TCOF1: variants seen among roughly 807,000 people sequenced by gnomAD.
TCOF1 encodes treacle ribosome biogenesis factor 1.
A neutral mutation model predicts 149.0 loss-of-function variants in TCOF1; 33 were observed. The observed-to-expected ratio is 0.22, with a 90% CI of 0.17 to 0.30. The LOEUF (loss-of-function observed/expected upper bound fraction) is 0.30. Among genes scored for constraint, TCOF1 ranks in the 10% least tolerant of loss-of-function variants. The probability of loss-of-function intolerance (pLI) is 1.00; values close to 1 mark genes in which losing one functional copy is unlikely to be tolerated. For synonymous variants in TCOF1, 789 were observed against 738.8 expected (o/e 1.07, Z -1.10); for missense variants, 1,728 against 1,840.7 (o/e 0.94, Z 1.12).
chr5:150,375,796 C>T lies in TCOF1; in HGVS notation c.1780C>T (p.Pro594Ser), dbSNP rs769250780. The T allele has an allele frequency of 8.1e-6, 13 of 1,614,136 alleles. No homozygotes were observed. Among genetic ancestry groups the T allele is most frequent in the Admixed American group, 5.0e-5 (3 of 60,016 alleles). The change falls in exon 12 of 27, where the codon CCT becomes TCT. Residue 594 changes from proline (P) to serine (S), a missense_variant. By Grantham distance (74) the Pro-to-Ser change is moderately conservative (BLOSUM62 -1). This residue lies in a region of TCOF1 where 1,696 missense variants were observed against 1,765.4 expected (regional missense o/e 0.96). Transcript: ENST00000643257. ...PAKGPPQKAG[P>S]VAVQVKAEKP... Reference sequence around the variant, plus strand: ...CAAGGGGCCCCCTCAGAAGGCAGGGCCTGTAGCCGTCCAGGTCAAGGCTGA... The same window carrying T: ...CAAGGGGCCCCCTCAGAAGGCAGGGTCTGTAGCCGTCCAGGTCAAGGCTGA...
chr5:150,396,634 C>G lies in TCOF1; in HGVS notation c.4137C>G (p.Ser1379=). 6.2e-7 allele frequency: 1 copy of G among 1,602,494 alleles called. No homozygotes were observed. Residue 1379 remains serine (S), a synonymous_variant, in exon 24 of 27, where the codon TCC becomes TCG. Transcript: ENST00000643257. The part of the protein sequence containing the change: ...GAGEGGEASV[S]PEKTSTTSKG... The stretch of plus-strand genomic sequence containing the variant: ...GGGAAGGTGGGGAGGCCTCTGTTTC[C>G]CCAGAAAAGACCTCCACGACTTCCA...
At chr5:150,384,519 C>T in intron 17 of TCOF1, 4 of 985,486 alleles carry the variant, frequency 4.1e-6, no homozygotes, top group Non-Finnish European at 4.8e-6. Flanking sequence ...CTGTGTGGAG[C>T]CTTTACGAGG....
intron 1 of TCOF1, among the ~76,000 whole-genome samples, chr5:150,358,176 G>C (rs962244411): frequency 6.6e-6 from 1 of 152,024 alleles, no homozygotes; most frequent in African/African-American, 2.4e-5. Context: ...TAAGTCTCCC[G>C]CCACGTGGCT....
rs543951704 is a variant in TCOF1, at chr5:150,364,051, G to A, written c.165-62G>A. The A allele has an allele frequency of 5.0e-6, 8 of 1,612,720 alleles. No homozygotes were observed. The Admixed American group carries it at 6.7e-5, about 13-fold the overall frequency. On this transcript the variant is annotated intron_variant, in intron 2 of 26. Transcript: ENST00000643257. The stretch of plus-strand genomic sequence containing the variant: ...GGAAGGATGCGGGAAGGTCTGTCTA[G>A]TCAATTCTTGTGGAGTTGTTCTGTC...
rs1448103578 is a variant in TCOF1 at position 150,363,996 on chromosome 5, T to A, written c.165-117T>A. On this transcript the variant is annotated intron_variant, in intron 2 of 26. Coordinates refer to ENST00000643257, the MANE Select transcript of TCOF1 (RefSeq NM_001371623.1). ...CCTATACTGTGTTTTCACCACTGTT[T>A]AGATTCTATGCACATTGCCTTTAAG... 6 of 1,485,334 alleles carry A rather than the reference T, an allele frequency of 4.0e-6. No homozygotes were observed. In the South Asian group the frequency reaches 5.8e-5, roughly 14 times the overall value. 92.0% of individuals were successfully genotyped at this position (1,485,334 alleles called of 1,614,324 possible). A position where few individuals can be genotyped will look rare whatever the true frequency, so the allele number is the denominator to read the frequency against.
chr5:150,381,710 C>T (rs979678522), intron 17 of TCOF1, among the ~76,000 whole-genome samples: 1 of 152,168 alleles, frequency 6.6e-6, no homozygotes, highest in Admixed American at 6.5e-5. Flanking sequence ...GTCAGAATGG[C>T]CTAATCTGTA....
chr5:150,389,906 G>A lies in TCOF1; in HGVS notation c.3066G>A (p.Val1022=), dbSNP rs375763860. Reference sequence around the variant, plus strand: ...TTTCAGGCATCAGAACCAATGTGGTGACCATGCCCACTGCCCACCCAAGAA... The same window carrying A: ...TTTCAGGCATCAGAACCAATGTGGTAACCATGCCCACTGCCCACCCAAGAA... ...CLTPGIRTNV[V]TMPTAHPRIA... Residue 1022 remains valine, a synonymous_variant, in exon 19 of 27, where the codon GTG becomes GTA. Coordinates refer to ENST00000643257, the MANE Select transcript of TCOF1 (RefSeq NM_001371623.1). The A allele has an allele frequency of 6.2e-7, 1 of 1,614,206 alleles. No individual in the cohort carries two copies. The highest frequency in any genetic ancestry group is 1.1e-5 in the South Asian group (1 of 91,074).
At chr5:150,378,710 C>T (rs1764360958) in intron 14 of TCOF1, 195 bp from the exon 15 acceptor site, 1 of 686,024 alleles carries the variant, frequency 1.5e-6, no homozygotes, top group Admixed American at 2.5e-5. Flanking sequence ...CGTAGGTGGG[C>T]CTTATTATTA....
chr5:150,398,369 A>T lies in TCOF1; in HGVS notation c.4361A>T (p.Glu1454Val). The change falls in exon 25 of 27, where the codon GAA becomes GTA. Residue 1454 changes from glutamate (E) to valine (V), a missense_variant. Coordinates refer to ENST00000643257, the MANE Select transcript of TCOF1 (RefSeq NM_001371623.1). ...CTTCCCTTAGGAAAAAAAGACAAAG[A>T]AAAAAAAGAAAAGAAGAAGAAAGCA... Reference protein sequence around the residue: ...KKSDKRKKDKEKKEKKKKAKK... With the variant: ...KKSDKRKKDKVKKEKKKKAKK... 2 of 1,613,510 alleles carry T rather than the reference A, an allele frequency of 1.2e-6. No individual in the cohort carries two copies. Among genetic ancestry groups the T allele is most frequent in the South Asian group, 1.1e-5 (1 of 91,000 alleles).
At position 150,366,639 on chromosome 5, in the gene TCOF1, C is replaced by CTT. The variant is rs1204091560; in HGVS notation, c.305-1180_305-1179dup. Among the ~76,000 whole-genome samples the CTT allele has an allele frequency of 5.9e-4, 38 of 64,380 alleles. 3 individuals carry two copies. The highest frequency in any genetic ancestry group is 1.1e-3 in the East Asian group (3 of 2,682). The allele number at this position is 64,380 out of a possible 152,430, so 42.2% of individuals were successfully genotyped here. ...TGCCATTCATCTCAGCAACATTCTT[C>CTT]TTTTTTTTTTTTTTTTTTTTTTTTT... On this transcript the variant is annotated intron_variant, in intron 3 of 26. Coordinates refer to ENST00000643257, the MANE Select transcript of TCOF1 (RefSeq NM_001371623.1).
In TCOF1 at chr5:150,391,544, G is replaced by A; in HGVS notation, c.3184G>A (p.Val1062Met). The change falls in exon 20 of 27, where the codon GTG (valine) becomes ATG (methionine). Residue 1062 changes from valine to methionine, a missense_variant and splice_region_variant. By Grantham distance (21) the Val-to-Met change is conservative. Coordinates refer to ENST00000643257, the MANE Select transcript of TCOF1 (RefSeq NM_001371623.1). ...GAGGGCTACCTCTTGCCACCCACAGGTGTCAAAGAAGAACCCAGCTTCCCT... is the reference window on the plus strand; with the variant it reads ...GAGGGCTACCTCTTGCCACCCACAGATGTCAAAGAAGAACCCAGCTTCCCT... ...GKKQEGPATQ[V>M]SKKNPASLPL... 1 of 1,613,946 alleles carries A rather than the reference G, an allele frequency of 6.2e-7. No homozygotes were observed. Among genetic ancestry groups the A allele is most frequent in the Non-Finnish European group, 8.5e-7 (1 of 1,179,862 alleles).
In TCOF1 at chr5:150,379,585, G is replaced by A. The variant is rs780590252; in HGVS notation, c.2712G>A (p.Lys904=). The A allele has an allele frequency of 3.1e-6, 5 of 1,614,052 alleles. No individual in the cohort carries two copies. In the African/African-American group the frequency reaches 6.7e-5, roughly 22 times the overall value. Residue 904 remains lysine, a synonymous_variant, in exon 17 of 27, where the codon AAG becomes AAA. Coordinates refer to ENST00000643257, the MANE Select transcript of TCOF1 (RefSeq NM_001371623.1). ...HQIRAALAPA[K]ESPRKGAAPT... is the part of the protein sequence containing the mutation. Reference sequence around the variant, plus strand: ...TCAGAGCTGCCTTGGCTCCTGCCAAGGAGTCCCCCAGGAAAGGGGCTGCCC... The same window carrying A: ...TCAGAGCTGCCTTGGCTCCTGCCAAAGAGTCCCCCAGGAAAGGGGCTGCCC...
chr5:150,374,580 A>G (rs370636217), intron 8 of TCOF1, 37 bp from the exon 9 acceptor site: 148 of 1,612,094 alleles, frequency 9.2e-5, no homozygotes, highest in Non-Finnish European at 1.2e-4. Flanking sequence ...TCACACGTCC[A>G]TCCTCTGGGC....
chr5:150,375,860 C>T lies in TCOF1; in HGVS notation c.1844C>T (p.Ser615Leu), dbSNP rs373839307. ...MDNSESSEES[S>L]DSADSEEAPA... The stretch of plus-strand genomic sequence containing the variant: ...AACTCGGAGAGCAGCGAGGAGTCAT[C>T]GGACAGTGCGGACAGTGAGGAGGCA... Residue 615 changes from serine to leucine, a missense_variant, in exon 12 of 27, where the codon TCG (serine) becomes TTG (leucine). Around this residue, in one of 2 missense-constraint regions of TCOF1, gnomAD observed 1,696 missense variants for 1,765.4 expected, o/e 0.96. Transcript: ENST00000643257. 1.6e-4 allele frequency: 254 copies of T among 1,613,580 alleles called. No homozygotes were observed. Among genetic ancestry groups the T allele is most frequent in the Middle Eastern group, 4.9e-4 (3 of 6,084 alleles).
In TCOF1 at chr5:150,379,024, G is replaced by A. The variant is rs2150799934; in HGVS notation, c.2460G>A (p.Lys820=). ...TTGTCACTGCAGCTGCTCAAGCCAAGCAGAGGTCTCCATCCAAGGCAAGTG... is the reference window on the plus strand; with the variant it reads ...TTGTCACTGCAGCTGCTCAAGCCAAACAGAGGTCTCCATCCAAGGCAAGTG... ...GKVVTAAAQA[K]QRSPSKVKPP... The change falls in exon 15 of 27, where the codon AAG becomes AAA. Residue 820 remains lysine, a synonymous_variant. Coordinates refer to ENST00000643257, the MANE Select transcript of TCOF1 (RefSeq NM_001371623.1). The A allele has an allele frequency of 6.2e-7, 1 of 1,614,054 alleles. No homozygotes were observed. Among genetic ancestry groups the A allele is most frequent in the Admixed American group, 1.7e-5 (1 of 60,008 alleles).
At chr5:150,372,902 G>A (rs994773259) in intron 7 of TCOF1, among the ~76,000 whole-genome samples, 15 of 152,156 alleles carry the variant, frequency 9.9e-5, no homozygotes, top group Admixed American at 2.0e-4. Flanking sequence ...TCTTAGGAAG[G>A]TCATTCCAGG....
In TCOF1 at chr5:150,376,254, C is replaced by T. The variant is rs1763775918; in HGVS notation, c.2066C>T (p.Pro689Leu). The change falls in exon 13 of 27, where the codon CCA becomes CTA. Residue 689 changes from proline (P) to leucine (L), a missense_variant. Pro to Leu is a moderately conservative substitution (Grantham distance 98). Around this residue, in one of 2 missense-constraint regions of TCOF1, gnomAD observed 1,696 missense variants for 1,765.4 expected, o/e 0.96. Coordinates refer to ENST00000643257, the MANE Select transcript of TCOF1 (RefSeq NM_001371623.1). The stretch of plus-strand genomic sequence containing the variant: ...GCTGTGGCTGGGGGCACCCAGAGAC[C>T]AGCAGAGGATTCTTCAAGCAGTGAG... ...SPAVAGGTQR[P>L]AEDSSSSEES... 1.2e-6 allele frequency: 2 copies of T among 1,614,070 alleles called. No individual in the cohort carries two copies. Among genetic ancestry groups the T allele is most frequent in the African/African-American group, 2.7e-5 (2 of 74,930 alleles).
At chr5:150,383,477 A>C (rs1765650954) in intron 17 of TCOF1, among the ~76,000 whole-genome samples, 1 of 152,234 alleles carries the variant, frequency 6.6e-6, no homozygotes, top group Non-Finnish European at 1.5e-5. Flanking sequence ...TGTTTCAGCC[A>C]TAAAATGGGG....
In TCOF1 at chr5:150,384,776, T is replaced by C. The variant is rs953081270; in HGVS notation, c.2860-3126T>C. 3.0e-6 allele frequency: 3 copies of C among 985,348 alleles called. No homozygotes were observed. In the East Asian group the frequency reaches 3.4e-4, roughly 112 times the overall value. 61.0% of individuals were successfully genotyped at this position (985,348 alleles called of 1,614,324 possible). On this transcript the variant is annotated intron_variant, in intron 17 of 26. Coordinates refer to ENST00000643257, the MANE Select transcript of TCOF1 (RefSeq NM_001371623.1). ...CGGGGAAGCTGCAGCCTCTTCCTGA[T>C]TGAGAGATTTTTAGTTCCTAATCCC... is the stretch of plus-strand genomic sequence containing the variant.
Sources: gnomAD v4.1 joint callset for allele counts (sites outside exome capture counted in the v4.1 genomes callset) on GRCh38, gnomAD v4.1.1 for gene constraint, gnomAD v4.1.1 regional missense constraint, MANE v1.5 for transcripts, NCBI Gene and HGNC (gene_info 2026-07-23, HGNC 2026-07-21) for gene names.